The following SRCIN1 variants were observed in gnomAD, a reference collection of about 807,000 sequenced individuals.
SRCIN1 encodes the protein SRC kinase signaling inhibitor 1.
SRCIN1 carries 50 observed loss-of-function variants against 116.2 expected under a neutral mutation model. The observed-to-expected ratio is 0.43, with a 90% CI of 0.34 to 0.54. The LOEUF (loss-of-function observed/expected upper bound fraction) is 0.54. Among genes scored for constraint, SRCIN1 ranks in the 20% least tolerant of loss-of-function variants. The pLI, the probability that SRCIN1 is intolerant of heterozygous loss-of-function variation, is 0.02. For synonymous variants in SRCIN1, 736 were observed against 750.0 expected (o/e 0.98, Z 0.30); for missense variants, 1,446 against 1,672.0 (o/e 0.86, Z 2.36).
chr17:38,562,079 T>C lies in SRCIN1; in HGVS notation c.1084A>G (p.Ser362Gly), dbSNP rs972143304. 43 of 1,458,672 alleles carry C rather than the reference T, an allele frequency of 2.9e-5. No homozygotes were observed. The highest frequency in any genetic ancestry group is 3.7e-5 in the Non-Finnish European group (41 of 1,112,358). 90.4% of individuals were successfully genotyped at this position (1,458,672 alleles called of 1,614,324 possible). The change falls in exon 7 of 19, where the codon AGC (serine) becomes GGC (glycine). Residue 362 changes from serine (S) to glycine (G), a missense_variant. Coordinates refer to ENST00000617146, the MANE Select transcript of SRCIN1 (RefSeq NM_025248.3). This position sits in a 1 kb window ranked among gnomAD's most constrained non-coding sequence, Gnocchi z 4.2. ...LGGAPAAQGV[S>G]PSPSAILERR... ...TCCAGGATGGCGCTGGGGCTGGGGC[T>C]GACGCCCTGGGCGGCCGGGGCGCCT...
Position 38,605,819 on chromosome 17 carries a change from C to T in SRCIN1, c.-114G>A. The T allele has an allele frequency of 3.8e-6, 1 of 262,676 alleles. No homozygotes were observed. Among genetic ancestry groups the T allele is most frequent in the Non-Finnish European group, 5.7e-6 (1 of 174,694 alleles). The allele number at this position is 262,676 out of a possible 1,614,324, so 16.3% of individuals were successfully genotyped here. ...GCCCCGGGGCGCGGTGCCAGGCGGG[C>T]GGGCCGGGGGCGCGGGCCCCGCCGG... On this transcript the variant is annotated 5_prime_UTR_variant, in exon 1 of 19. Transcript: ENST00000617146.
At chr17:38,577,038 A>G (rs1907463427) in intron 2 of SRCIN1, among the ~76,000 whole-genome samples, 1 of 152,052 alleles carries the variant, frequency 6.6e-6, no homozygotes. Flanking sequence ...CCAGTTCCCA[A>G]ACCAACTCAG....
chr17:38,536,241 T>C lies in SRCIN1; in HGVS notation c.3418-2810A>G, dbSNP rs145491171. ...CCATCCACAATCCACTCTCCTGAAG[T>C]TGAGGGAGCACGTCCAGCTGTGCCC... On this transcript the variant is annotated intron_variant, in intron 18 of 18. Coordinates refer to ENST00000617146, the MANE Select transcript of SRCIN1 (RefSeq NM_025248.3). Among the ~76,000 whole-genome samples, 114 of 152,336 alleles carry C rather than the reference T, an allele frequency of 7.5e-4. 1 individual carries two copies. In the East Asian group the frequency reaches 0.018, roughly 24 times the overall value.
At chr17:38,534,800 G>A (rs1206049986) in intron 18 of SRCIN1, among the ~76,000 whole-genome samples, 2 of 152,154 alleles carry the variant, frequency 1.3e-5, no homozygotes, top group African/African-American at 4.8e-5. Context: ...GCTCACTACA[G>A]TGTAGTTTGC....
intron 1 of SRCIN1, 41 bp from the exon 2 acceptor site, chr17:38,578,832 C>T: frequency 6.9e-7 from 1 of 1,451,124 alleles, no homozygotes; most frequent in Non-Finnish European, 9.0e-7. Flanking sequence ...CACGGCGCGC[C>T]CGGCCTGGGG....
chr17:38,586,687 G>A (rs893540024), intron 1 of SRCIN1, among the ~76,000 whole-genome samples: 1 of 152,248 alleles, frequency 6.6e-6, no homozygotes, highest in African/African-American at 2.4e-5. Context: ...ATGGAGCCCT[G>A]GAGGGAGCTG....
Position 38,575,772 on chromosome 17 carries a change from A to C in SRCIN1, c.324+2718T>G, listed in dbSNP as rs1284903688. ...AGTGACTCCACCCCCTTCGTTCCCC[A>C]AGGCCACCCCACACCTAAGACCATC... On this transcript the variant is annotated intron_variant, in intron 2 of 18. Transcript: ENST00000617146. 2.0e-5 allele frequency among the ~76,000 whole-genome samples: 3 copies of C among 151,906 alleles called. No homozygotes were observed. In the East Asian group the frequency reaches 5.8e-4, roughly 29 times the overall value.
intron 18 of SRCIN1, among the ~76,000 whole-genome samples, chr17:38,538,600 G>C (rs952014057): frequency 6.6e-6 from 1 of 152,056 alleles, no homozygotes; most frequent in Non-Finnish European, 1.5e-5. Context: ...TTTTGAATCA[G>C]GGTTCCTGTT....
At chr17:38,581,419 G>A (rs1045406003) in intron 1 of SRCIN1, among the ~76,000 whole-genome samples, 13 of 106,392 alleles carry the variant, frequency 1.2e-4, no homozygotes, top group Non-Finnish European at 1.7e-4. Context: ...AAAAAAAAAA[G>A]AAAAAAGAAA....
chr17:38,548,700 A>C lies in SRCIN1; in HGVS notation c.3127T>G (p.Ser1043Ala). The change falls in exon 17 of 19, where the codon TCC (serine) becomes GCC (alanine). Residue 1043 changes from serine to alanine, a missense_variant. By Grantham distance (99) the Ser-to-Ala change is moderately conservative. Coordinates refer to ENST00000617146, the MANE Select transcript of SRCIN1 (RefSeq NM_025248.3). The part of the protein sequence containing the change: ...KDSAFIKKAE[S>A]EELEVQKPQV... The stretch of plus-strand genomic sequence containing the variant: ...GGCTTCTGCACCTCCAGCTCCTCGG[A>C]CTCAGCCTTCTGCAAGGCCCGGGAC... 1 of 1,601,924 alleles carries C rather than the reference A, an allele frequency of 6.2e-7. No homozygotes were observed. Among genetic ancestry groups the C allele is most frequent in the Non-Finnish European group, 8.5e-7 (1 of 1,175,466 alleles).
At chr17:38,543,576 G>T (rs757627151) in intron 18 of SRCIN1, among the ~76,000 whole-genome samples, 2 of 152,178 alleles carry the variant, frequency 1.3e-5, no homozygotes, top group Non-Finnish European at 2.9e-5. Context: ...CTGAGTGAGG[G>T]AACTCCTGAG....
chr17:38,574,218 C>T (rs1907262588), intron 2 of SRCIN1, among the ~76,000 whole-genome samples: 1 of 152,172 alleles, frequency 6.6e-6, no homozygotes, highest in Non-Finnish European at 1.5e-5. Flanking sequence ...GCCTCAGATG[C>T]CTATTTTTCT....
intron 17 of SRCIN1, chr17:38,547,815 G>A: frequency 4.2e-6 from 1 of 235,794 alleles, no homozygotes; most frequent in Non-Finnish European, 8.7e-6. Context: ...TGGGGGGACA[G>A]CAAGGTGGGG....
intron 11 of SRCIN1, among the ~76,000 whole-genome samples, chr17:38,555,819 A>G (rs2429994): frequency 0.36 from 54,468 of 152,132 alleles, 14,068 homozygotes; most frequent in African/African-American, 0.74. Context: ...TCATATGTGT[A>G]ACACCTGACT....
At chr17:38,581,692 C>G (rs1355951063) in intron 1 of SRCIN1, among the ~76,000 whole-genome samples, 4 of 152,190 alleles carry the variant, frequency 2.6e-5, no homozygotes, top group African/African-American at 9.7e-5. Flanking sequence ...TAGACCCTGA[C>G]TGAGTGAGAC....
chr17:38,532,058 CACTGCCA>C lies in SRCIN1; in HGVS notation c.*1232_*1238del, dbSNP rs887104582. On this transcript the variant is annotated 3_prime_UTR_variant, in exon 19 of 19. Transcript: ENST00000617146. The surrounding 1 kb of genome is among the most constrained non-coding windows in gnomAD (Gnocchi z 4.3). ...CAGGACCCGGCCAAAAGCCAGGCGGCACTGCCAACCGCCTCTGCAGGGCAGGCAGGGC... is the reference window on the plus strand; with the variant it reads ...CAGGACCCGGCCAAAAGCCAGGCGGCACCGCCTCTGCAGGGCAGGCAGGGC... 6 of 152,358 alleles carry C rather than the reference CACTGCCA, an allele frequency of 3.9e-5. No individual in the cohort carries two copies. Among genetic ancestry groups the C allele is most frequent in the African/African-American group, 1.2e-4 (5 of 41,456 alleles). The allele number at this position is 152,358 out of a possible 1,614,324, so 9.4% of individuals were successfully genotyped here. A position where few individuals can be genotyped will look rare whatever the true frequency, so the allele number is the denominator to read the frequency against.
Position 38,543,881 on chromosome 17 carries a change from T to C in SRCIN1, c.3359A>G (p.Asp1120Gly). The C allele has an allele frequency of 6.2e-7, 1 of 1,607,728 alleles. No homozygotes were observed. Among genetic ancestry groups the C allele is most frequent in the Non-Finnish European group, 8.5e-7 (1 of 1,179,734 alleles). The change falls in exon 18 of 19, where the codon GAC (aspartate) becomes GGC (glycine). Residue 1120 changes from aspartate to glycine, a missense_variant. Physicochemically the swap from Asp to Gly is moderately conservative, Grantham distance 94. Transcript: ENST00000617146. The part of the protein sequence containing the change: ...KAAQGQAGSP[D>G]KSKHGKQRAE... ...CCTCTGCTTGCCATGTTTGCTTTTG[T>C]CGGGGCTGCCCGCCTGGCCCTGGGC...
chr17:38,563,620 C>A lies in SRCIN1; in HGVS notation c.542-99G>T. 1.4e-6 allele frequency: 2 copies of A among 1,473,136 alleles called. No homozygotes were observed. Among genetic ancestry groups the A allele is most frequent in the Non-Finnish European group, 1.8e-6 (2 of 1,089,478 alleles). The allele number at this position is 1,473,136 out of a possible 1,614,324, so 91.3% of individuals were successfully genotyped here. On this transcript the variant is annotated intron_variant, in intron 4 of 18. Coordinates refer to ENST00000617146, the MANE Select transcript of SRCIN1 (RefSeq NM_025248.3). This position sits in a 1 kb window ranked among gnomAD's most constrained non-coding sequence, Gnocchi z 5.8. The stretch of plus-strand genomic sequence containing the variant: ...TTTCGGAGCTGCGCCAGCCCCGCAG[C>A]GGCAGGGTCTGAGGCTAGACGCCGC...
At chr17:38,582,207 C>T (rs1907860076) in intron 1 of SRCIN1, among the ~76,000 whole-genome samples, 1 of 152,212 alleles carries the variant, frequency 6.6e-6, no homozygotes, top group South Asian at 2.1e-4. Flanking sequence ...AGCTCCTCAT[C>T]CCCTCTCTTA....
Sources: gnomAD v4.1 joint callset for allele counts (sites outside exome capture counted in the v4.1 genomes callset) on GRCh38, gnomAD v4.1.1 for gene constraint, Gnocchi (gnomAD v3.1) non-coding constraint, MANE v1.5 for transcripts, NCBI Gene and HGNC (gene_info 2026-07-23, HGNC 2026-07-21) for gene names.